Variants in GPC5 observed in about 807,000 individuals in gnomAD.
The protein encoded by GPC5 is glypican 5, also known as glypican-5.
A neutral mutation model predicts 53.9 loss-of-function variants in GPC5; 47 were observed. The ratio of observed to expected loss-of-function variants is 0.87; its 90% CI spans 0.69 to 1.11. The LOEUF is 1.11. GPC5 is among the 50% of genes most tolerant of loss of function. GPC5 has a pLI of 0.00. For synonymous variants in GPC5, 286 were observed against 263.3 expected (o/e 1.09, Z -0.84); for missense variants, 748 against 713.1 (o/e 1.05, Z -0.56).
chr13:92,863,390 C>T (rs1435681524), intron 7 of GPC5, among the ~76,000 whole-genome samples: 2 of 152,160 alleles, frequency 1.3e-5, no homozygotes, highest in Non-Finnish European at 2.9e-5. Context: ...TTGTGAAGTA[C>T]TTGGAACTGT....
intron 7 of GPC5, among the ~76,000 whole-genome samples, chr13:92,557,149 T>C (rs1303778355): frequency 1.3e-5 from 2 of 151,810 alleles, no homozygotes; most frequent in African/African-American, 4.8e-5. Flanking sequence ...AGCGCTATTC[T>C]AGCCCCTTTT....
intron 7 of GPC5, among the ~76,000 whole-genome samples, chr13:92,532,841 T>G (rs759314009): frequency 9.9e-5 from 15 of 152,228 alleles, no homozygotes; most frequent in Non-Finnish European, 2.1e-4. Context: ...AAAGAACATC[T>G]TTTGCAAAAT....
Position 91,920,581 on chromosome 13 carries a change from C to G in GPC5, c.1401+12524C>G, listed in dbSNP as rs192420371. On this transcript the variant is annotated intron_variant, in intron 6 of 7. Coordinates refer to ENST00000377067, the MANE Select transcript of GPC5 (RefSeq NM_004466.6). ...GAAAACACACGTGCCTACACACACACAGACATGCATAAACATACACACACA... is the reference window on the plus strand; with the variant it reads ...GAAAACACACGTGCCTACACACACAGAGACATGCATAAACATACACACACA... Among the ~76,000 whole-genome samples, 3 of 152,310 alleles carry G rather than the reference C, an allele frequency of 2.0e-5. No homozygotes were observed. In the East Asian group the frequency reaches 5.8e-4, roughly 29 times the overall value.
chr13:92,202,261 C>T (rs1289822699), intron 7 of GPC5, among the ~76,000 whole-genome samples: 1 of 152,194 alleles, frequency 6.6e-6, no homozygotes, highest in Non-Finnish European at 1.5e-5. Context: ...ATCTAGATCA[C>T]ATACCTAATG....
rs548337184 is a variant in GPC5 at position 91,659,394 on chromosome 13, T to C, written c.326-33793T>C. The stretch of plus-strand genomic sequence containing the variant: ...CATTAAGCTTGTGGGCCCTGTATGT[T>C]AGTTCTTGGAAGCTGGGAGCAGTGG... On this transcript the variant is annotated intron_variant, in intron 2 of 7. Coordinates refer to ENST00000377067, the MANE Select transcript of GPC5 (RefSeq NM_004466.6). 3.6e-4 allele frequency among the ~76,000 whole-genome samples: 55 copies of C among 152,234 alleles called. 1 individual carries two copies. The highest frequency in any genetic ancestry group is 6.8e-3 in the Middle Eastern group (2 of 294).
rs987648677 is a variant in GPC5, at chr13:92,425,112, C to G, written c.1561+280123C>G. Reference sequence around the variant, plus strand: ...CATTTAATTTACTGACTCTGCCCTTCCCGTGATGCCCATCAATCAATCTCC... The same window carrying G: ...CATTTAATTTACTGACTCTGCCCTTGCCGTGATGCCCATCAATCAATCTCC... On this transcript the variant is annotated intron_variant, in intron 7 of 7. Coordinates refer to ENST00000377067, the MANE Select transcript of GPC5 (RefSeq NM_004466.6). 9.2e-5 allele frequency among the ~76,000 whole-genome samples: 14 copies of G among 151,970 alleles called. 1 individual carries two copies. The highest frequency in any genetic ancestry group is 7.9e-4 in the Admixed American group (12 of 15,248).
chr13:91,740,498 G>A (rs546398513), intron 4 of GPC5, among the ~76,000 whole-genome samples: 30 of 152,102 alleles, frequency 2.0e-4, no homozygotes, highest in Non-Finnish European at 3.7e-4. Flanking sequence ...TGGAGAGAGG[G>A]GAGCTAAACC....
intron 6 of GPC5, among the ~76,000 whole-genome samples, chr13:91,975,011 C>A (rs1423967776): frequency 3.3e-5 from 5 of 152,110 alleles, no homozygotes; most frequent in East Asian, 1.9e-4. Flanking sequence ...CAAAAACAAG[C>A]AATGGGGAAA....
intron 2 of GPC5, among the ~76,000 whole-genome samples, chr13:91,600,272 A>G (rs1370602827): frequency 6.6e-6 from 1 of 151,930 alleles, no homozygotes; most frequent in Admixed American, 6.6e-5. Flanking sequence ...ATCTATAGAT[A>G]CATTAGATTT....
intron 7 of GPC5, among the ~76,000 whole-genome samples, chr13:92,858,423 C>G (rs1488311801): frequency 6.6e-6 from 1 of 152,118 alleles, no homozygotes; most frequent in Non-Finnish European, 1.5e-5. Flanking sequence ...ATTACCCACT[C>G]TCAGGTATGT....
At position 91,620,002 on chromosome 13, in the gene GPC5, A is replaced by G. The variant is rs567416338; in HGVS notation, c.326-73185A>G. ...CTCAATTTTCTCATCAGTGAGATAAAGCTAACATCTTGGAAAGCGATTATT... is the reference window on the plus strand; with the variant it reads ...CTCAATTTTCTCATCAGTGAGATAAGGCTAACATCTTGGAAAGCGATTATT... On this transcript the variant is annotated intron_variant, in intron 2 of 7. Transcript: ENST00000377067. 3.9e-5 allele frequency among the ~76,000 whole-genome samples: 6 copies of G among 152,272 alleles called. No individual in the cohort carries two copies. In the South Asian group the frequency reaches 1.2e-3, roughly 32 times the overall value.
intron 5 of GPC5, among the ~76,000 whole-genome samples, chr13:91,898,946 T>G (rs2039470514): frequency 1.3e-5 from 2 of 152,168 alleles, no homozygotes; most frequent in East Asian, 1.9e-4. Context: ...TATAATAAAT[T>G]TGGACAACTA....
At chr13:92,459,989 T>C (rs2139408665) in intron 7 of GPC5, among the ~76,000 whole-genome samples, 1 of 152,266 alleles carries the variant, frequency 6.6e-6, no homozygotes, top group South Asian at 2.1e-4. Context: ...GCAAAATAAC[T>C]GGTAGAATTC....
At chr13:92,186,968 C>T (rs895690297) in intron 7 of GPC5, among the ~76,000 whole-genome samples, 3 of 152,152 alleles carry the variant, frequency 2.0e-5, no homozygotes, top group Admixed American at 1.3e-4. Flanking sequence ...AAAAATTAGC[C>T]GGGCGTGTTA....
At chr13:91,576,937 A>G (rs1028642464) in intron 2 of GPC5, among the ~76,000 whole-genome samples, 1 of 152,196 alleles carries the variant, frequency 6.6e-6, no homozygotes, top group African/African-American at 2.4e-5. Flanking sequence ...CTGTAAAAAA[A>G]AAAAATTTGT....
intron 7 of GPC5, among the ~76,000 whole-genome samples, chr13:92,257,238 T>C (rs868293281): frequency 2.8e-4 from 42 of 152,232 alleles, no homozygotes; most frequent in South Asian, 6.2e-4. Flanking sequence ...GTTTTTAATC[T>C]TGAGTAATTG....
intron 6 of GPC5, among the ~76,000 whole-genome samples, chr13:92,120,403 G>A (rs2041639208): frequency 6.6e-6 from 1 of 152,074 alleles, no homozygotes; most frequent in South Asian, 2.1e-4. Context: ...GACTACAGGT[G>A]TGCACCATCA....
intron 6 of GPC5, among the ~76,000 whole-genome samples, chr13:92,077,691 G>T (rs1367957444): frequency 6.6e-6 from 1 of 152,148 alleles, no homozygotes; most frequent in Non-Finnish European, 1.5e-5. Flanking sequence ...TGCACAGAAG[G>T]GATGATCTGG....
chr13:92,589,916 T>C (rs530359115), intron 7 of GPC5, among the ~76,000 whole-genome samples: 3 of 152,330 alleles, frequency 2.0e-5, no homozygotes, highest in African/African-American at 7.2e-5. Flanking sequence ...ATTAACTAGT[T>C]CACTGCTTGT....
Sources: gnomAD v4.1 joint callset for allele counts (sites outside exome capture counted in the v4.1 genomes callset) on GRCh38, gnomAD v4.1.1 for gene constraint, MANE v1.5 for transcripts, NCBI Gene and HGNC (gene_info 2026-07-23, HGNC 2026-07-21) for gene names.